ASPH: variants seen among roughly 807,000 people sequenced by gnomAD.
ASPH encodes aspartyl/asparaginyl beta-hydroxylase.
In ASPH, 100 loss-of-function variants were observed where a neutral mutation model predicts 118.4. That is an observed-to-expected ratio of 0.84 (90% confidence interval 0.72 to 1.00). ASPH has a LOEUF of 1.00. Ranked by LOEUF, ASPH falls within the 50% of genes least tolerant of loss-of-function variation. The pLI is 0.00. For synonymous variants in ASPH, 315 were observed against 325.6 expected (o/e 0.97, Z 0.35); for missense variants, 920 against 919.5 (o/e 1.00, Z -0.01).
chr8:61,579,690 C>A (rs1291628497), intron 15 of ASPH: 12 of 1,224,004 alleles, frequency 9.8e-6, no homozygotes, highest in African/African-American at 1.5e-5. Context: ...GGCAGCCCCT[C>A]CCAGCCTACC....
chr8:61,680,895 ATAT>A (rs1427263713), intron 3 of ASPH, 70 bp downstream of exon 3: 5 of 1,292,526 alleles, frequency 3.9e-6, no homozygotes, highest in Non-Finnish European at 5.5e-6. Context: ...ATTGAGATAG[ATAT>A]TATTAAAGCA....
intron 14 of ASPH, among the ~76,000 whole-genome samples, chr8:61,584,562 C>T (rs1465274271): frequency 6.6e-6 from 1 of 152,160 alleles, no homozygotes; most frequent in Non-Finnish European, 1.5e-5. Context: ...AAATAGACTG[C>T]CCCATGATCC....
chr8:61,543,858 C>T (rs1254935819), intron 21 of ASPH, among the ~76,000 whole-genome samples: 3 of 152,102 alleles, frequency 2.0e-5, no homozygotes, highest in African/African-American at 7.2e-5. Context: ...TCTCTATTGC[C>T]TGTAGCCTTA....
intron 14 of ASPH, among the ~76,000 whole-genome samples, chr8:61,604,347 G>A (rs1282889322): frequency 1.3e-5 from 2 of 152,086 alleles, no homozygotes; most frequent in Admixed American, 1.3e-4. Context: ...AAATTAAATG[G>A]TTAAATTTTA....
rs114757011 is a variant in ASPH, at chr8:61,649,758, C to T, written c.490+1292G>A. On this transcript the variant is annotated intron_variant, in intron 5 of 24. Coordinates refer to ENST00000379454, the MANE Select transcript of ASPH (RefSeq NM_004318.4). ...TCCTGAATCACTGTTACCTGCACAACCTCCATCTAATCTCCCAGCTGCACT... is the reference window on the plus strand; with the variant it reads ...TCCTGAATCACTGTTACCTGCACAATCTCCATCTAATCTCCCAGCTGCACT... 6.7e-3 allele frequency among the ~76,000 whole-genome samples: 1,016 copies of T among 151,986 alleles called. 13 individuals are homozygous for T. The highest frequency in any genetic ancestry group is 0.023 in the African/African-American group (969 of 41,426).
At chr8:61,650,794 A>T (rs1771436119) in intron 5 of ASPH, among the ~76,000 whole-genome samples, 1 of 152,048 alleles carries the variant, frequency 6.6e-6, no homozygotes, top group African/African-American at 2.4e-5. Context: ...CACTGTTTTC[A>T]ATCTGTTCAT....
chr8:61,540,532 A>T (rs1322473240), intron 21 of ASPH, among the ~76,000 whole-genome samples: 1 of 152,180 alleles, frequency 6.6e-6, no homozygotes, highest in Non-Finnish European at 1.5e-5. Context: ...TGAGCCAATT[A>T]AACCTTTTTT....
chr8:61,526,138 G>A (rs774646513), intron 21 of ASPH, 26 bp from the exon 22 acceptor site: 28 of 1,612,586 alleles, frequency 1.7e-5, no homozygotes, highest in Admixed American at 5.0e-5. Flanking sequence ...TGGCTTTACT[G>A]GACTGAAAAA....
At chr8:61,663,014 C>T (rs1052790526) in intron 3 of ASPH, 8 of 985,268 alleles carry the variant, frequency 8.1e-6, no homozygotes, top group Non-Finnish European at 9.6e-6. Context: ...ATTGTTTGCC[C>T]TTCTTCAAGA....
chr8:61,587,093 C>T (rs1839700043), intron 14 of ASPH, among the ~76,000 whole-genome samples: 1 of 152,188 alleles, frequency 6.6e-6, no homozygotes, highest in African/African-American at 2.4e-5. Flanking sequence ...AGCTGACACT[C>T]TGATCATCTT....
At chr8:61,647,878 T>G (rs1808841353) in intron 5 of ASPH, among the ~76,000 whole-genome samples, 1 of 152,160 alleles carries the variant, frequency 6.6e-6, no homozygotes, top group Admixed American at 6.5e-5. Context: ...TTGGACATGT[T>G]GCATGATTCC....
intron 13 of ASPH, chr8:61,624,188 T>C (rs1266680104): frequency 2.3e-5 from 22 of 945,186 alleles, no homozygotes; most frequent in Non-Finnish European, 2.6e-5. Flanking sequence ...TCTCATATAG[T>C]CAAATTTATA....
intron 1 of ASPH, among the ~76,000 whole-genome samples, chr8:61,688,347 C>T (rs1831385732): frequency 6.6e-6 from 1 of 152,120 alleles, no homozygotes; most frequent in Admixed American, 6.5e-5. Context: ...ATCAAAAGTA[C>T]ATGACCTCCA....
In ASPH at chr8:61,562,907, T is replaced by A. The variant is rs368297222; in HGVS notation, c.1301-27A>T. ...TGAGTAGGTGGGAATTTAAAAAAAA[T>A]AGAAATAAAAACAGATTATGTACAC... On this transcript the variant is annotated intron_variant, in intron 17 of 24. Transcript: ENST00000379454. 1.3e-4 allele frequency: 206 copies of A among 1,554,698 alleles called. 1 individual carries two copies. The African/African-American group carries it at 2.2e-3, about 16-fold the overall frequency.
rs1054084117 is a variant in ASPH, at chr8:61,607,192, G to T, written c.976+11786C>A. On this transcript the variant is annotated intron_variant, in intron 14 of 24. Transcript: ENST00000379454. ...GCAAACTAATGCATCATCCTTCTTA[G>T]CTAGAAGCTGTTATCTTCTTTATTC... The T allele has an allele frequency of 2.5e-5, 17 of 679,802 alleles. No individual in the cohort carries two copies. In the African/African-American group the frequency reaches 3.0e-4, roughly 12 times the overall value. 42.1% of individuals were successfully genotyped at this position (679,802 alleles called of 1,614,324 possible).
At chr8:61,612,038 A>G (rs1220288443) in intron 14 of ASPH, among the ~76,000 whole-genome samples, 6 of 152,156 alleles carry the variant, frequency 3.9e-5, no homozygotes, top group Admixed American at 3.3e-4. Flanking sequence ...AGGAAAAAAA[A>G]AAAAAGGAGC....
chr8:61,531,893 A>G (rs1228896589), intron 21 of ASPH, among the ~76,000 whole-genome samples: 3 of 152,202 alleles, frequency 2.0e-5, no homozygotes, highest in Non-Finnish European at 4.4e-5. Context: ...AAGGCTGAAT[A>G]ATATCCCATT....
At chr8:61,705,932 C>A (rs1425582683) in intron 1 of ASPH, among the ~76,000 whole-genome samples, 1 of 152,174 alleles carries the variant, frequency 6.6e-6, no homozygotes, top group African/African-American at 2.4e-5. Flanking sequence ...AAAATGTTAA[C>A]CGCTGTAGCA....
chr8:61,617,387 A>G (rs1849404565), intron 14 of ASPH, among the ~76,000 whole-genome samples: 1 of 152,324 alleles, frequency 6.6e-6, no homozygotes, highest in East Asian at 1.9e-4. Flanking sequence ...GATCAACTCT[A>G]TCAAAAGCTG....
Sources: allele counts gnomAD v4.1 joint callset (sites outside exome capture counted in the v4.1 genomes callset), GRCh38; gene constraint gnomAD v4.1.1; transcripts MANE v1.5; gene names NCBI Gene and HGNC (gene_info 2026-07-23, HGNC 2026-07-21).